Variants in BRINP3 observed in about 807,000 individuals in gnomAD.
BRINP3 encodes BMP/retinoic acid inducible neural specific 3, also known as BMP/retinoic acid-inducible neural-specific protein 3.
Under a neutral mutation model 71.0 loss-of-function variants are expected in BRINP3, and 19 were observed. The observed-to-expected ratio is 0.27, with a 90% CI of 0.19 to 0.39. The LOEUF (loss-of-function observed/expected upper bound fraction) is 0.39. Among genes scored for constraint, BRINP3 ranks in the 10% least tolerant of loss-of-function variants. The pLI is 1.00. For synonymous variants in BRINP3, 380 were observed against 337.7 expected, an observed-to-expected ratio of 1.13 and a Z score of -1.37; for missense variants, 959 against 940.8, an observed-to-expected ratio of 1.02 and a Z score of -0.25.
In BRINP3 at chr1:190,218,257, C is replaced by T. The variant is rs193044770; in HGVS notation, c.961+7825G>A. On this transcript the variant is annotated intron_variant, in intron 6 of 7. Transcript: ENST00000367462. ...CCTGATTCATAATAGTACAGGTAAG[C>T]TTTGCTTGTTTTATACTTAATATAA... Among the ~76,000 whole-genome samples the T allele has an allele frequency of 2.0e-3, 303 of 151,946 alleles. 1 individual carries two copies. The highest frequency in any genetic ancestry group is 3.1e-3 in the Non-Finnish European group (210 of 67,962).
At chr1:190,241,213 T>A (rs1187088672) in intron 4 of BRINP3, among the ~76,000 whole-genome samples, 2 of 152,078 alleles carry the variant, frequency 1.3e-5, no homozygotes, top group East Asian at 3.9e-4. Context: ...AGACAATATA[T>A]CTAAATTTTT....
chr1:190,181,101 T>C (rs963863176), intron 6 of BRINP3, among the ~76,000 whole-genome samples: 9 of 152,082 alleles, frequency 5.9e-5, no homozygotes, highest in Non-Finnish European at 1.2e-4. Flanking sequence ...ACCCAATCGT[T>C]TTTATCTTCA....
At chr1:190,221,107 A>G (rs538259567) in intron 6 of BRINP3, among the ~76,000 whole-genome samples, 4 of 152,248 alleles carry the variant, frequency 2.6e-5, no homozygotes, top group African/African-American at 9.6e-5. Context: ...AATCCCAACT[A>G]CTTGGGTGGC....
intron 2 of BRINP3, among the ~76,000 whole-genome samples, chr1:190,433,957 G>C (rs975413939): frequency 2.0e-5 from 3 of 151,832 alleles, no homozygotes; most frequent in Non-Finnish European, 4.4e-5. Flanking sequence ...TCCCCACCCC[G>C]GTTTTCTGCG....
rs183960531 is a variant in BRINP3 at position 190,188,653 on chromosome 1, T to A, written c.962-27763A>T. Among the ~76,000 whole-genome samples the A allele has an allele frequency of 1.7e-3, 261 of 152,260 alleles. 1 individual carries two copies. Among genetic ancestry groups the A allele is most frequent in the Middle Eastern group, 3.4e-3 (1 of 294 alleles). ...TGTTCAGCTAATGTATTGTATCACA[T>A]TTATTGCTTTGTATTGTTTGGATTA... On this transcript the variant is annotated intron_variant, in intron 6 of 7. Transcript: ENST00000367462.
intron 6 of BRINP3, among the ~76,000 whole-genome samples, chr1:190,161,748 C>A (rs138222218): frequency 0.013 from 1,907 of 152,030 alleles, 25 homozygotes; most frequent in South Asian, 0.045. Flanking sequence ...GGTTAATCAA[C>A]AAATATGAGC....
At chr1:190,399,730 G>C (rs1671806172) in intron 2 of BRINP3, among the ~76,000 whole-genome samples, 2 of 151,996 alleles carry the variant, frequency 1.3e-5, no homozygotes, top group South Asian at 4.2e-4. Context: ...TGGCCTCCTT[G>C]TTATGGTCTG....
chr1:190,457,477 A>AAAAACG (rs1676078752), intron 1 of BRINP3, among the ~76,000 whole-genome samples: 1 of 151,856 alleles, frequency 6.6e-6, no homozygotes, highest in East Asian at 1.9e-4. Context: ...AAACAAAAAC[A>AAAAACG]CCCAGCCCTT....
chr1:190,114,624 T>C (rs1467777909), intron 7 of BRINP3, among the ~76,000 whole-genome samples: 1 of 151,460 alleles, frequency 6.6e-6, no homozygotes, highest in African/African-American at 2.4e-5. Flanking sequence ...TACACCAAAG[T>C]AGGATCATAT....
chr1:190,235,535 T>C (rs972280065), intron 4 of BRINP3, among the ~76,000 whole-genome samples: 8 of 152,042 alleles, frequency 5.3e-5, no homozygotes, highest in South Asian at 4.1e-4. Flanking sequence ...GAGCCTGTTA[T>C]AGGACAAGGA....
chr1:190,214,257 G>C (rs1284697775), intron 6 of BRINP3, among the ~76,000 whole-genome samples: 1 of 152,040 alleles, frequency 6.6e-6, no homozygotes, highest in Non-Finnish European at 1.5e-5. Context: ...ATTCTCACTT[G>C]GTATATAATA....
chr1:190,447,323 T>G (rs901682584), intron 2 of BRINP3, among the ~76,000 whole-genome samples: 48 of 147,202 alleles, frequency 3.3e-4, no homozygotes, highest in Non-Finnish European at 6.1e-4. Context: ...ATAGTATAAT[T>G]TTTTTAACCA....
chr1:190,454,973 C>T (rs541986500), intron 1 of BRINP3, 33 bp from the exon 2 acceptor site: 26 of 1,012,132 alleles, frequency 2.6e-5, no homozygotes, highest in African/African-American at 4.9e-5. Flanking sequence ...TAGTTAACTC[C>T]TAGAAGATTC....
intron 7 of BRINP3, among the ~76,000 whole-genome samples, chr1:190,114,454 T>C (rs563947588): frequency 2.4e-4 from 36 of 152,078 alleles, no homozygotes; most frequent in Non-Finnish European, 4.7e-4. Context: ...TAGTCAGACT[T>C]TATAGTAGTA....
intron 2 of BRINP3, among the ~76,000 whole-genome samples, chr1:190,349,306 C>T (rs886068941): frequency 6.6e-6 from 1 of 151,866 alleles, no homozygotes; most frequent in African/African-American, 2.4e-5. Flanking sequence ...TATTATTTTC[C>T]AATAGTTTAC....
At chr1:190,335,823 G>A (rs1667251006) in intron 2 of BRINP3, among the ~76,000 whole-genome samples, 1 of 151,830 alleles carries the variant, frequency 6.6e-6, no homozygotes, top group Non-Finnish European at 1.5e-5. Flanking sequence ...CATGTACATT[G>A]CCAGTTAAAG....
At chr1:190,102,993 A>G (rs1651829247) in intron 7 of BRINP3, among the ~76,000 whole-genome samples, 1 of 152,050 alleles carries the variant, frequency 6.6e-6, no homozygotes. Flanking sequence ...TGTTTCTTCT[A>G]GTCATCTTTG....
intron 2 of BRINP3, among the ~76,000 whole-genome samples, chr1:190,401,698 G>T (rs1013046669): frequency 5.9e-5 from 9 of 151,764 alleles, no homozygotes; most frequent in African/African-American, 2.2e-4. Context: ...TTTAAGTGAA[G>T]ATTTCTGTTA....
chr1:190,196,234 A>T (rs1442699611), intron 6 of BRINP3, among the ~76,000 whole-genome samples: 3 of 152,010 alleles, frequency 2.0e-5, no homozygotes, highest in African/African-American at 7.2e-5. Flanking sequence ...CTACAATTCC[A>T]CTCACCTACC....
Sources: allele counts gnomAD v4.1 joint callset (sites outside exome capture counted in the v4.1 genomes callset), GRCh38; gene constraint gnomAD v4.1.1; transcripts MANE v1.5; gene names NCBI Gene and HGNC (gene_info 2026-07-23, HGNC 2026-07-21).